Variants in NAV3 observed in about 807,000 individuals in gnomAD.
The protein encoded by NAV3 is neuron navigator 3.
A neutral mutation model predicts 244.7 loss-of-function variants in NAV3; 87 were observed. The ratio of observed to expected loss-of-function variants is 0.36; its 90% CI spans 0.30 to 0.42. The LOEUF is 0.42. Among genes scored for constraint, NAV3 ranks in the 20% least tolerant of loss-of-function variants. The pLI, the probability that NAV3 is intolerant of heterozygous loss-of-function variation, is 1.00. For missense variants in NAV3, 2,663 were observed against 2,893.3 expected (o/e 0.92, Z 1.83); for synonymous variants, 1,126 against 1,042.2 (o/e 1.08, Z -1.55).
rs1052469651 is a variant in NAV3 at position 77,729,200 on chromosome 12, C to T, written c.72+156934C>T. On this transcript the variant is annotated intron_variant, in intron 2 of 8. Coordinates refer to the NAV3 transcript ENST00000550042. The stretch of plus-strand genomic sequence containing the variant: ...CTGTGTAGGGGGTTGGCACCCCAAT[C>T]CCTGTGTTGTTCAAGGATCAAGTGT... Among the ~76,000 whole-genome samples the T allele has an allele frequency of 3.3e-5, 5 of 152,068 alleles. No homozygotes were observed. In the South Asian group the frequency reaches 6.2e-4, roughly 19 times the overall value.
intron 2 of NAV3, among the ~76,000 whole-genome samples, chr12:77,616,142 T>C (rs1871135024): frequency 6.6e-6 from 1 of 152,020 alleles, no homozygotes; most frequent in African/African-American, 2.4e-5. Flanking sequence ...GCATGGTGGC[T>C]CACTCCTGTA....
intron 1 of NAV3, among the ~76,000 whole-genome samples, chr12:77,873,673 G>C (rs1881336484): frequency 4.7e-5 from 3 of 63,216 alleles, no homozygotes. Context: ...TACATGATTT[G>C]TATGTGTATA....
At chr12:77,741,249 G>T (rs1391210383) in intron 2 of NAV3, among the ~76,000 whole-genome samples, 1 of 150,310 alleles carries the variant, frequency 6.7e-6, no homozygotes, top group African/African-American at 2.4e-5. Context: ...AAAAAAAAGA[G>T]AATCCTTATA....
chr12:77,951,186 T>C (rs1157711614), intron 3 of NAV3, among the ~76,000 whole-genome samples: 1 of 152,136 alleles, frequency 6.6e-6, no homozygotes, highest in Non-Finnish European at 1.5e-5. Context: ...AAAGGGCTAA[T>C]ATCCAGAATC....
chr12:78,086,574 C>T, intron 12 of NAV3, among the ~76,000 whole-genome samples: 1 of 152,074 alleles, frequency 6.6e-6, no homozygotes. Context: ...AATGTGGATA[C>T]TATTTACCTG....
At chr12:77,621,111 G>A (rs945360169) in intron 2 of NAV3, among the ~76,000 whole-genome samples, 1 of 152,086 alleles carries the variant, frequency 6.6e-6, no homozygotes, top group African/African-American at 2.4e-5. Flanking sequence ...TGAGGCTCAA[G>A]ATTTCTGTGA....
At chr12:77,786,076 G>A (rs1217080650) in intron 2 of NAV3, among the ~76,000 whole-genome samples, 3 of 152,084 alleles carry the variant, frequency 2.0e-5, no homozygotes, top group Non-Finnish European at 4.4e-5. Flanking sequence ...AGCCCATGAA[G>A]TCTTTCCAGT....
At chr12:78,111,873 A>T (rs1334988469) in intron 12 of NAV3, among the ~76,000 whole-genome samples, 7 of 152,202 alleles carry the variant, frequency 4.6e-5, no homozygotes, top group Non-Finnish European at 5.9e-5. Context: ...CTGTGAAAAG[A>T]TACTGTATGC....
chr12:78,087,707 A>T (rs931393653), intron 12 of NAV3, among the ~76,000 whole-genome samples: 3 of 151,998 alleles, frequency 2.0e-5, no homozygotes, highest in East Asian at 1.9e-4. Flanking sequence ...TCTTCTTTTG[A>T]AATTTTTTCT....
intron 12 of NAV3, among the ~76,000 whole-genome samples, chr12:78,094,516 T>G (rs1358965046): frequency 6.6e-6 from 1 of 152,198 alleles, no homozygotes; most frequent in African/African-American, 2.4e-5. Flanking sequence ...GTGTAAACTT[T>G]GAAGATGCTA....
At chr12:77,845,133 GTA>G (rs1040375414) in intron 1 of NAV3, among the ~76,000 whole-genome samples, 2 of 151,366 alleles carry the variant, frequency 1.3e-5, no homozygotes, top group Non-Finnish European at 1.5e-5. Flanking sequence ...GTATATGTGT[GTA>G]TATATATATA....
intron 2 of NAV3, among the ~76,000 whole-genome samples, chr12:77,701,833 A>G (rs548426582): frequency 1.3e-5 from 2 of 151,638 alleles, no homozygotes; most frequent in Non-Finnish European, 3.0e-5. Flanking sequence ...GTGGTCAGAG[A>G]ACATGTTTTG....
At chr12:77,797,547 TTTA>T (rs1297572479) in intron 2 of NAV3, among the ~76,000 whole-genome samples, 4 of 121,820 alleles carry the variant, frequency 3.3e-5, no homozygotes, top group African/African-American at 5.4e-5. Flanking sequence ...TTTTTTTTTT[TTTA>T]AAGTAGCTTA....
At chr12:78,013,460 G>T (rs909786558) in intron 8 of NAV3, among the ~76,000 whole-genome samples, 5 of 151,968 alleles carry the variant, frequency 3.3e-5, no homozygotes, top group African/African-American at 1.2e-4. Flanking sequence ...GAGATGAGGG[G>T]GACAGGGAGG....
chr12:77,736,163 A>G (rs547021517), intron 2 of NAV3, among the ~76,000 whole-genome samples: 1 of 152,334 alleles, frequency 6.6e-6, no homozygotes, highest in South Asian at 2.1e-4. Flanking sequence ...TATTTCTTTA[A>G]AAGCCAACCT....
chr12:77,766,125 C>G (rs925031600), intron 2 of NAV3, among the ~76,000 whole-genome samples: 1 of 152,134 alleles, frequency 6.6e-6, no homozygotes, highest in African/African-American at 2.4e-5. Flanking sequence ...AAGACTTATC[C>G]AGGCTGTCTA....
At chr12:78,071,771 A>T (rs1194359762) in intron 12 of NAV3, among the ~76,000 whole-genome samples, 1 of 152,136 alleles carries the variant, frequency 6.6e-6, no homozygotes, top group Non-Finnish European at 1.5e-5. Flanking sequence ...TTTGTCAAAG[A>T]TCAGATAGTT....
In NAV3 at chr12:77,612,594, C is replaced by G. The variant is rs146196966; in HGVS notation, c.72+40328C>G. On this transcript the variant is annotated intron_variant, in intron 2 of 8. Transcript: ENST00000550042. Reference sequence around the variant, plus strand: ...TATGTGCCTTTATCTAAACTGAACACTACACCTTGTAGATTCATAAGGCAC... The same window carrying G: ...TATGTGCCTTTATCTAAACTGAACAGTACACCTTGTAGATTCATAAGGCAC... 5.9e-5 allele frequency among the ~76,000 whole-genome samples: 9 copies of G among 152,230 alleles called. No individual in the cohort carries two copies. The East Asian group carries it at 1.2e-3, about 20-fold the overall frequency.
chr12:77,952,473 AC>A (rs1025043299), intron 3 of NAV3, among the ~76,000 whole-genome samples: 2 of 151,582 alleles, frequency 1.3e-5, no homozygotes, highest in African/African-American at 4.9e-5. Context: ...TTTTTCACCA[AC>A]CCCACACTGT....
Sources: allele counts gnomAD v4.1 joint callset (sites outside exome capture counted in the v4.1 genomes callset), GRCh38; gene constraint gnomAD v4.1.1; transcripts MANE v1.5; gene names NCBI Gene and HGNC (gene_info 2026-07-23, HGNC 2026-07-21).